Variants in COL10A1 observed in about 807,000 individuals in gnomAD.
The protein encoded by COL10A1 is collagen type X alpha 1 chain.
In COL10A1, 10 loss-of-function variants were observed where a neutral mutation model predicts 18.2. That is an observed-to-expected ratio of 0.55 (90% CI 0.34 to 0.93). The LOEUF is 0.93. COL10A1 is among the 40% of genes least tolerant of loss of function. The pLI is 0.02. For missense variants in COL10A1, 897 were observed against 853.5 expected (o/e 1.05, Z -0.64); for synonymous variants, 330 against 316.6 (o/e 1.04, Z -0.45).
the COL10A1 span, among the ~76,000 whole-genome samples, chr6:116,181,927 T>A: frequency 1.3e-5 from 2 of 152,126 alleles, no homozygotes; most frequent in Non-Finnish European, 2.9e-5. Context: ...GTTACATGAA[T>A]AAGTTCTTTG....
chr6:116,204,040 G>T, the COL10A1 span, among the ~76,000 whole-genome samples: 1 of 151,782 alleles, frequency 6.6e-6, no homozygotes, highest in African/African-American at 2.4e-5. Flanking sequence ...ACCCTCGAAG[G>T]CTGTGGCCTC....
At chr6:116,203,309 T>C in the COL10A1 span, among the ~76,000 whole-genome samples, 1 of 152,000 alleles carries the variant, frequency 6.6e-6, no homozygotes, top group Non-Finnish European at 1.5e-5. Flanking sequence ...TTACTATACA[T>C]TGTTATTAAA....
intron 1 of COL10A1, among the ~76,000 whole-genome samples, chr6:116,146,557 G>C (rs1779901795): frequency 6.6e-6 from 1 of 152,226 alleles, no homozygotes; most frequent in African/African-American, 2.4e-5. Flanking sequence ...AGGGGGAAGA[G>C]AAGGTTAAAT....
At chr6:116,212,692 G>T in the COL10A1 span, among the ~76,000 whole-genome samples, 1 of 152,106 alleles carries the variant, frequency 6.6e-6, no homozygotes, top group East Asian at 1.9e-4. Flanking sequence ...TTAATGGGTG[G>T]CAGGGAGGCA....
upstream of COL10A1, among the ~76,000 whole-genome samples, chr6:116,163,141 A>AAAAATAT (rs761718922): frequency 0.016 from 1,387 of 88,172 alleles, 30 homozygotes; most frequent in Middle Eastern, 0.022. Flanking sequence ...AAAAAAAAAA[A>AAAAATAT]ATATATATAT....
chr6:116,120,505 G>A lies in COL10A1; in HGVS notation c.1611C>T (p.Thr537=), dbSNP rs199714647. ...CCCCCTGGTTGGCACTAACAAGAGGGGTCCCAGAAAGACTGGGCCTTTGGC... is the reference window on the plus strand; with the variant it reads ...CCCCCTGGTTGGCACTAACAAGAGGAGTCCCAGAAAGACTGGGCCTTTGGC... The part of the protein sequence containing the change: ...KAGQRPSLSG[T]PLVSANQGVT... Residue 537 remains threonine (T), a synonymous_variant, in exon 3 of 3, where the codon ACC becomes ACT. Transcript: ENST00000651968. 1.4e-5 allele frequency: 22 copies of A among 1,614,044 alleles called. No individual in the cohort carries two copies. The highest frequency in any genetic ancestry group is 4.5e-5 in the East Asian group (2 of 44,886).
At chr6:116,199,554 A>G in the COL10A1 span, among the ~76,000 whole-genome samples, 2 of 152,112 alleles carry the variant, frequency 1.3e-5, no homozygotes, top group African/African-American at 2.4e-5. Flanking sequence ...TTCTAACGCC[A>G]TTCTCCAGTA....
intron 2 of COL10A1, among the ~76,000 whole-genome samples, chr6:116,122,693 C>T (rs1779169151): frequency 6.6e-6 from 1 of 152,054 alleles, no homozygotes; most frequent in South Asian, 2.1e-4. Flanking sequence ...GGCTGGGCCA[C>T]AAGTATGGGG....
At chr6:116,194,495 C>T in the COL10A1 span, among the ~76,000 whole-genome samples, 2 of 151,888 alleles carry the variant, frequency 1.3e-5, no homozygotes, top group African/African-American at 2.4e-5. Flanking sequence ...CACTAATAGC[C>T]TATTTTATGT....
chr6:116,164,685 G>C, the COL10A1 span, among the ~76,000 whole-genome samples: 3 of 152,100 alleles, frequency 2.0e-5, no homozygotes, highest in African/African-American at 7.2e-5. Flanking sequence ...TTGTACTTAC[G>C]TGTGCTTTTG....
chr6:116,186,404 T>G, the COL10A1 span, among the ~76,000 whole-genome samples: 2 of 151,980 alleles, frequency 1.3e-5, no homozygotes, highest in Middle Eastern at 3.4e-3. Context: ...CAGAGCTGCT[T>G]GTATTTGGAT....
chr6:116,188,995 T>C, the COL10A1 span, among the ~76,000 whole-genome samples: 2 of 151,930 alleles, frequency 1.3e-5, no homozygotes. Flanking sequence ...CATTAGAACT[T>C]CACTGTATTT....
chr6:116,200,832 G>A, the COL10A1 span, among the ~76,000 whole-genome samples: 31 of 151,962 alleles, frequency 2.0e-4, no homozygotes, highest in Admixed American at 4.6e-4. Context: ...CATAAATCCT[G>A]TGGCAGACCA....
At chr6:116,125,189 T>C (rs1779257870) in intron 2 of COL10A1, 150 bp downstream of exon 2, 1 of 799,850 alleles carries the variant, frequency 1.3e-6, no homozygotes, top group Non-Finnish European at 2.0e-6. Flanking sequence ...GTTCTACTTT[T>C]TTCACAGATC....
chr6:116,175,744 T>G, the COL10A1 span, among the ~76,000 whole-genome samples: 344 of 152,330 alleles, frequency 2.3e-3, 2 homozygotes, highest in African/African-American at 8.1e-3. Context: ...AGATACTGTC[T>G]TTTAAAACTT....
At chr6:116,124,332 A>G (rs1028108373) in intron 2 of COL10A1, among the ~76,000 whole-genome samples, 3 of 152,148 alleles carry the variant, frequency 2.0e-5, no homozygotes, top group Non-Finnish European at 4.4e-5. Context: ...CAGTCAGTTT[A>G]TATTATTCTG....
At chr6:116,180,360 T>C in the COL10A1 span, among the ~76,000 whole-genome samples, 1 of 152,038 alleles carries the variant, frequency 6.6e-6, no homozygotes, top group Non-Finnish European at 1.5e-5. Context: ...AGTTTCTCTT[T>C]ATAGAAGAAT....
intron 1 of COL10A1, among the ~76,000 whole-genome samples, chr6:116,157,736 T>G (rs1780232147): frequency 1.3e-5 from 2 of 151,776 alleles, no homozygotes; most frequent in South Asian, 4.2e-4. Context: ...ATGGTGAGAG[T>G]GGGTGGAAAG....
chr6:116,121,880 G>A lies in COL10A1; in HGVS notation c.236C>T (p.Pro79Leu), dbSNP rs1212153483. 1.2e-6 allele frequency: 2 copies of A among 1,613,884 alleles called. No individual in the cohort carries two copies. The highest frequency in any genetic ancestry group is 1.7e-6 in the Non-Finnish European group (2 of 1,179,998). Residue 79 changes from proline (P) to leucine (L), a missense_variant, in exon 3 of 3, where the codon CCA (proline) becomes CTA (leucine). Pro to Leu is a moderately conservative substitution (Grantham distance 98, BLOSUM62 -3). Transcript: ENST00000651968. Reference sequence around the variant, plus strand: ...ACTTCCGTAGCCTGGTTTTCCTGGTGGTCCAGAAGGACCTGGGTGCCCTCG... The same window carrying A: ...ACTTCCGTAGCCTGGTTTTCCTGGTAGTCCAGAAGGACCTGGGTGCCCTCG... Reference protein sequence around the residue: ...GPRGHPGPSGPPGKPGYGSPG... With the variant: ...GPRGHPGPSGLPGKPGYGSPG...
Sources: gnomAD v4.1 joint callset for allele counts (sites outside exome capture counted in the v4.1 genomes callset) on GRCh38, gnomAD v4.1.1 for gene constraint, MANE v1.5 for transcripts, NCBI Gene and HGNC (gene_info 2026-07-23, HGNC 2026-07-21) for gene names.